The following CCNY variants were observed in gnomAD, a reference collection of about 807,000 sequenced individuals.
CCNY encodes the protein cyclin-Y.
CCNY carries 19 observed loss-of-function variants against 42.8 expected under a neutral mutation model. The ratio of observed to expected loss-of-function variants is 0.44; its 90% CI spans 0.31 to 0.65. CCNY has a LOEUF of 0.65. Among genes scored for constraint, CCNY ranks in the 30% least tolerant of loss-of-function variants. The pLI, the probability that CCNY is intolerant of heterozygous loss-of-function variation, is 0.07. For synonymous variants in CCNY, 165 were observed against 162.7 expected (o/e 1.01, Z -0.11); for missense variants, 370 against 437.3 (o/e 0.85, Z 1.37).
At chr10:35,376,523 C>CT (rs1449138140) in intron 1 of CCNY, among the ~76,000 whole-genome samples, 1 of 152,182 alleles carries the variant, frequency 6.6e-6, no homozygotes, top group Non-Finnish European at 1.5e-5. Context: ...AAATCTAAAA[C>CT]TTTGAGTGCC....
intron 1 of CCNY, among the ~76,000 whole-genome samples, chr10:35,424,870 A>G (rs1589112431): frequency 2.0e-5 from 3 of 152,326 alleles, no homozygotes; most frequent in South Asian, 4.1e-4. Flanking sequence ...GGAAATGCCT[A>G]ATCCACACTG....
chr10:35,457,264 T>G (rs1373229799), intron 1 of CCNY, among the ~76,000 whole-genome samples: 1 of 152,242 alleles, frequency 6.6e-6, no homozygotes, highest in Non-Finnish European at 1.5e-5. Context: ...TAAATCTCCC[T>G]CTTTAGTGAG....
At chr10:35,485,450 G>A (rs1377502899) in intron 2 of CCNY, among the ~76,000 whole-genome samples, 3 of 152,240 alleles carry the variant, frequency 2.0e-5, no homozygotes, top group Non-Finnish European at 4.4e-5. Flanking sequence ...TTTGGGCTGG[G>A]CGCGGTGGCT....
chr10:35,255,801 C>T (rs950736450), intron 3 of CCNY, among the ~76,000 whole-genome samples: 2 of 152,014 alleles, frequency 1.3e-5, no homozygotes, highest in African/African-American at 4.8e-5. Flanking sequence ...CACCATGTTG[C>T]CCAGACCGGT....
intron 3 of CCNY, among the ~76,000 whole-genome samples, chr10:35,331,025 C>T (rs1010836355): frequency 6.6e-6 from 1 of 152,220 alleles, no homozygotes; most frequent in East Asian, 1.9e-4. Flanking sequence ...TCCCAAAGTG[C>T]TAGGATTACA....
chr10:35,432,059 G>A lies in CCNY; in HGVS notation c.155-51345G>A, dbSNP rs551892107. Among the ~76,000 whole-genome samples the A allele has an allele frequency of 3.9e-5, 6 of 152,324 alleles. No individual in the cohort carries two copies. The South Asian group carries it at 8.3e-4, about 21-fold the overall frequency. On this transcript the variant is annotated intron_variant, in intron 1 of 9. Transcript: ENST00000374704. ...CATATTATGGAGCGAATGTCAGTGC[G>A]AGAATCATCTTGCATATCAGTAACT...
intron 1 of CCNY, among the ~76,000 whole-genome samples, chr10:35,444,867 C>T (rs148588462): frequency 3.2e-4 from 48 of 152,132 alleles, no homozygotes; most frequent in Non-Finnish European, 4.6e-4. Context: ...TTGAATAGTC[C>T]GGGCGACAGA....
intron 4 of CCNY, among the ~76,000 whole-genome samples, chr10:35,517,698 G>C (rs1840458238): frequency 6.6e-6 from 1 of 152,300 alleles, no homozygotes; most frequent in African/African-American, 2.4e-5. Context: ...GATCTAAGTG[G>C]CAATGCAGCC....
At chr10:35,567,083 G>T (rs878910698) in intron 9 of CCNY, among the ~76,000 whole-genome samples, 1 of 152,146 alleles carries the variant, frequency 6.6e-6, no homozygotes, top group Non-Finnish European at 1.5e-5. Flanking sequence ...CCCCCAAAAA[G>T]CATTTCCCGC....
chr10:35,267,250 G>A (rs1458268540), intron 3 of CCNY, among the ~76,000 whole-genome samples: 2 of 151,440 alleles, frequency 1.3e-5, no homozygotes, highest in African/African-American at 4.9e-5. Flanking sequence ...TGCGGTTGCA[G>A]TGAGCTATCA....
intron 3 of CCNY, among the ~76,000 whole-genome samples, chr10:35,328,721 C>T (rs1163001957): frequency 1.7e-5 from 2 of 120,662 alleles, no homozygotes; most frequent in Non-Finnish European, 3.4e-5. Flanking sequence ...GAAGAGCTGT[C>T]AGGCCAGGTT....
At chr10:35,396,151 A>G (rs559021652) in intron 1 of CCNY, among the ~76,000 whole-genome samples, 6 of 152,234 alleles carry the variant, frequency 3.9e-5, no homozygotes, top group African/African-American at 7.2e-5. Flanking sequence ...GTGTGAAGCA[A>G]TGAAGATTGT....
At chr10:35,305,666 A>G (rs987360019) in intron 3 of CCNY, among the ~76,000 whole-genome samples, 6 of 152,318 alleles carry the variant, frequency 3.9e-5, no homozygotes, top group Non-Finnish European at 7.3e-5. Context: ...GCAAGAAAGA[A>G]CAGTTCTAAT....
chr10:35,282,720 C>CAAAAAA (rs71033390), intron 3 of CCNY, among the ~76,000 whole-genome samples: 4 of 88,232 alleles, frequency 4.5e-5, no homozygotes, highest in Non-Finnish European at 9.3e-5. Flanking sequence ...GAGACTGTCT[C>CAAAAAA]AAAAAAAAAA....
intron 3 of CCNY, among the ~76,000 whole-genome samples, chr10:35,514,907 T>G (rs1243878708): frequency 6.6e-6 from 1 of 152,244 alleles, no homozygotes; most frequent in Non-Finnish European, 1.5e-5. Context: ...GAAAAATTCC[T>G]TAAGCATTTT....
At chr10:35,483,280 G>A (rs1839714211) in intron 1 of CCNY, 124 bp from the exon 2 acceptor site, 1 of 671,094 alleles carries the variant, frequency 1.5e-6, no homozygotes, top group East Asian at 2.9e-5. Flanking sequence ...TAACATAATA[G>A]CTATAGGTTT....
chr10:35,501,914 G>A (rs1840118105), intron 3 of CCNY, among the ~76,000 whole-genome samples: 1 of 152,102 alleles, frequency 6.6e-6, no homozygotes, highest in South Asian at 2.1e-4. Context: ...TAAACACATA[G>A]TTGTTTTCCA....
At chr10:35,333,288 G>A, upstream of CCNY, among the ~76,000 whole-genome samples, 1 of 152,154 alleles carries the variant, frequency 6.6e-6, no homozygotes, top group Non-Finnish European at 1.5e-5. Context: ...ATTCCCGAGT[G>A]ACACAGTGTT....
At chr10:35,474,537 A>C (rs1468171681) in intron 1 of CCNY, among the ~76,000 whole-genome samples, 1 of 152,156 alleles carries the variant, frequency 6.6e-6, no homozygotes. Context: ...GCAGGGGCAC[A>C]CTGACACCTC....
Sources: gnomAD v4.1 joint callset for allele counts (sites outside exome capture counted in the v4.1 genomes callset) on GRCh38, gnomAD v4.1.1 for gene constraint, MANE v1.5 for transcripts, NCBI Gene and HGNC (gene_info 2026-07-23, HGNC 2026-07-21) for gene names.